The following BOC variants were observed in gnomAD, a reference collection of about 807,000 sequenced individuals.
BOC encodes brother of CDO.
BOC carries 76 observed loss-of-function variants against 112.0 expected under a neutral mutation model. The observed-to-expected ratio is 0.68, with a 90% CI of 0.56 to 0.82. BOC has a LOEUF of 0.82. BOC is among the 40% of genes least tolerant of loss of function. The pLI is 0.00. For missense variants in BOC, 1,309 were observed against 1,511.7 expected, an observed-to-expected ratio of 0.87 and a Z score of 2.22; for synonymous variants, 580 against 599.8, an observed-to-expected ratio of 0.97 and a Z score of 0.48.
At chr3:113,241,359 C>G (rs55888075) in intron 2 of BOC, among the ~76,000 whole-genome samples, 10,321 of 152,148 alleles carry the variant, frequency 0.068, 517 homozygotes, top group African/African-American at 0.14. Context: ...CTCAAACCTG[C>G]ACACATCTGC....
Position 113,286,661 on chromosome 3 carries a change from C to T in BOC, c.3161-14C>T, listed in dbSNP as rs750388106. 2.6e-6 allele frequency: 4 copies of T among 1,553,598 alleles called. No individual in the cohort carries two copies. Among genetic ancestry groups the T allele is most frequent in the African/African-American group, 2.8e-5 (2 of 72,172 alleles). ...AATCTGGATTTTAATGGTTCCTACT[C>T]TTTCTCCCCTCAGGGCCCCCATGCT... On this transcript the variant is annotated splice_polypyrimidine_tract_variant and intron_variant, in intron 19 of 19. Coordinates refer to ENST00000682979, the MANE Select transcript of BOC (RefSeq NM_001378074.1).
chr3:113,243,458 A>T (rs1040085403), intron 2 of BOC, among the ~76,000 whole-genome samples: 3 of 152,238 alleles, frequency 2.0e-5, no homozygotes, highest in Non-Finnish European at 4.4e-5. Context: ...ATCATGGTTA[A>T]GGAGTTATTA....
chr3:113,284,639 C>T (rs1236721912), intron 17 of BOC, 72 bp downstream of exon 17: 4 of 1,518,564 alleles, frequency 2.6e-6, no homozygotes, highest in African/African-American at 2.8e-5. Context: ...CCTTGGGGGG[C>T]CTCCTCCCTC....
At chr3:113,286,077 C>T (rs551370063) in intron 19 of BOC, among the ~76,000 whole-genome samples, 1 of 152,146 alleles carries the variant, frequency 6.6e-6, no homozygotes, top group Non-Finnish European at 1.5e-5. Flanking sequence ...GGGCCATTCA[C>T]GCTAAGCCCA....
intron 4 of BOC, among the ~76,000 whole-genome samples, chr3:113,256,716 A>G (rs1370326548): frequency 6.6e-6 from 1 of 152,128 alleles, no homozygotes; most frequent in Non-Finnish European, 1.5e-5. Flanking sequence ...TTATCTCTGT[A>G]TTAGGGTTCT....
chr3:113,271,137 T>A (rs562992914), intron 6 of BOC, 193 bp downstream of exon 6: 1 of 775,624 alleles, frequency 1.3e-6, no homozygotes, highest in Admixed American at 2.0e-5. Context: ...AGGGCCAGCA[T>A]CTCACAGCAC....
intron 6 of BOC, chr3:113,271,681 A>C (rs1319918780): frequency 1.2e-5 from 2 of 170,362 alleles, no homozygotes; most frequent in Non-Finnish European, 2.6e-5. Flanking sequence ...GGTTTTAGAA[A>C]ACCTGGGTGT....
Position 113,281,158 on chromosome 3 carries a change from A to G in BOC, c.2434+5A>G, listed in dbSNP as rs1473821087. ...TGATGATCTGTGAGACCAAAGGTGA[A>G]GCTCTTTGGGTTCTCTCTCCTGTCT... is the stretch of plus-strand genomic sequence containing the variant. On this transcript the variant is annotated splice_donor_5th_base_variant and intron_variant, in intron 15 of 19. Coordinates refer to ENST00000682979, the MANE Select transcript of BOC (RefSeq NM_001378074.1). 6.2e-7 allele frequency: 1 copy of G among 1,613,838 alleles called. No homozygotes were observed. The highest frequency in any genetic ancestry group is 8.5e-7 in the Non-Finnish European group (1 of 1,179,944).
chr3:113,265,278 T>C (rs1405882721), intron 4 of BOC, among the ~76,000 whole-genome samples: 1 of 152,176 alleles, frequency 6.6e-6, no homozygotes, highest in African/African-American at 2.4e-5. Context: ...TACATCTTTC[T>C]TGCAAAATGA....
intron 2 of BOC, among the ~76,000 whole-genome samples, chr3:113,248,495 G>GC (rs1444184105): frequency 3.3e-5 from 5 of 152,182 alleles, no homozygotes; most frequent in African/African-American, 1.2e-4. Flanking sequence ...TATTAATATT[G>GC]CCACAGGTGA....
Position 113,276,431 on chromosome 3 carries a change from C to T in BOC, c.1543-1664C>T, listed in dbSNP as rs544608590. Among the ~76,000 whole-genome samples, 66 of 152,272 alleles carry T rather than the reference C, an allele frequency of 4.3e-4. 1 individual carries two copies. The highest frequency in any genetic ancestry group is 5.9e-4 in the Admixed American group (9 of 15,300). ...ATGGGGCGCAGGGGAAGTGAGAGTC[C>T]GGACAGGCCCCTGCTGCGTCTGGCT... On this transcript the variant is annotated intron_variant, in intron 9 of 19. Transcript: ENST00000682979.
At chr3:113,230,941 G>T (rs1405065402) in intron 2 of BOC, among the ~76,000 whole-genome samples, 1 of 152,140 alleles carries the variant, frequency 6.6e-6, no homozygotes. Context: ...AATATTAAAT[G>T]TATTTTCTTC....
At chr3:113,276,547 C>T (rs1948692976) in intron 9 of BOC, among the ~76,000 whole-genome samples, 1 of 152,346 alleles carries the variant, frequency 6.6e-6, no homozygotes, top group South Asian at 2.1e-4. Flanking sequence ...ACGGAACTAA[C>T]AAGTCTTAAA....
In BOC at chr3:113,250,575, G is replaced by T. The variant is rs542911830; in HGVS notation, c.118G>T (p.Val40Phe). Residue 40 changes from valine to phenylalanine, a missense_variant, in exon 4 of 20, where the codon GTC (valine) becomes TTC (phenylalanine). Val to Phe is a conservative substitution (Grantham distance 50). Transcript: ENST00000682979. ...TCCAGACGAGGTCCCTCAGGTCACC[G>T]TCCAGCCTGCGTCCACCGTCCAGAA... ...ADLNEVPQVT[V>F]QPASTVQKPG... is the part of the protein sequence containing the mutation. The T allele has an allele frequency of 1.1e-5, 18 of 1,613,136 alleles. No individual in the cohort carries two copies. The highest frequency in any genetic ancestry group is 1.5e-5 in the Non-Finnish European group (18 of 1,179,534).
intron 2 of BOC, among the ~76,000 whole-genome samples, chr3:113,237,836 G>T (rs1357332799): frequency 2.6e-5 from 4 of 152,050 alleles, no homozygotes; most frequent in African/African-American, 9.7e-5. Context: ...GTTCTTTCTC[G>T]ATCCTAGATT....
rs561681118 is a variant in BOC, at chr3:113,241,434, C to T, written c.-81-8288C>T. Among the ~76,000 whole-genome samples the T allele has an allele frequency of 5.9e-5, 9 of 152,198 alleles. 1 individual carries two copies. Among genetic ancestry groups the T allele is most frequent in the Middle Eastern group, 3.4e-3 (1 of 294 alleles). On this transcript the variant is annotated intron_variant, in intron 2 of 19. Coordinates refer to ENST00000682979, the MANE Select transcript of BOC (RefSeq NM_001378074.1). ...GCAGCCCTCTCCCCCTCTGCTCTCCCGGGAACTCCTACTTCTCACTTCTCC... is the reference window on the plus strand; with the variant it reads ...GCAGCCCTCTCCCCCTCTGCTCTCCTGGGAACTCCTACTTCTCACTTCTCC...
chr3:113,246,056 A>G (rs973033725), intron 2 of BOC, among the ~76,000 whole-genome samples: 1 of 152,226 alleles, frequency 6.6e-6, no homozygotes, highest in Non-Finnish European at 1.5e-5. Context: ...CTCTGAGGCT[A>G]CAGTTTCTCA....
At position 113,287,008 on chromosome 3, in the gene BOC, T is replaced by G. The variant is rs984834726; in HGVS notation, c.*146T>G. 1.1e-6 allele frequency: 1 copy of G among 945,776 alleles called. No individual in the cohort carries two copies. Among genetic ancestry groups the G allele is most frequent in the Non-Finnish European group, 1.6e-6 (1 of 620,546 alleles). The allele number at this position is 945,776 out of a possible 1,614,324, so 58.6% of individuals were successfully genotyped here. On this transcript the variant is annotated 3_prime_UTR_variant, in exon 20 of 20. Coordinates refer to ENST00000682979, the MANE Select transcript of BOC (RefSeq NM_001378074.1). ...GCACTTGTAAATAAATGTATATGTT[T>G]TATAATTCTGGAGAGACATAAGGAG...
intron 2 of BOC, among the ~76,000 whole-genome samples, chr3:113,245,753 T>C (rs886223311): frequency 6.6e-6 from 1 of 152,246 alleles, no homozygotes; most frequent in Admixed American, 6.5e-5. Flanking sequence ...TGAAGAATGT[T>C]TTTAAGAAAG....
Sources: gnomAD v4.1 joint callset for allele counts (sites outside exome capture counted in the v4.1 genomes callset) on GRCh38, gnomAD v4.1.1 for gene constraint, MANE v1.5 for transcripts, NCBI Gene and HGNC (gene_info 2026-07-23, HGNC 2026-07-21) for gene names.